The following CCSER1 variants were observed in gnomAD, a reference collection of about 807,000 sequenced individuals.
CCSER1 encodes the protein coiled-coil serine rich protein 1.
CCSER1 carries 41 observed loss-of-function variants against 82.0 expected under a neutral mutation model. The ratio of observed to expected loss-of-function variants is 0.50; its 90% CI spans 0.39 to 0.65. The LOEUF (loss-of-function observed/expected upper bound fraction) is 0.65. CCSER1 is among the 30% of genes least tolerant of loss of function. CCSER1 has a pLI of 0.00. For synonymous variants in CCSER1, 414 were observed against 383.9 expected (o/e 1.08, Z -0.92); for missense variants, 1,119 against 1,064.2 (o/e 1.05, Z -0.72).
chr4:90,141,702 A>G (rs1327631392), intron 1 of CCSER1, among the ~76,000 whole-genome samples: 2 of 152,260 alleles, frequency 1.3e-5, no homozygotes, highest in Non-Finnish European at 2.9e-5. Flanking sequence ...CAGAATGAAA[A>G]TGCACATTTC....
chr4:91,349,141 T>A (rs1748286309), intron 10 of CCSER1, among the ~76,000 whole-genome samples: 2 of 152,134 alleles, frequency 1.3e-5, no homozygotes, highest in African/African-American at 4.8e-5. Context: ...TCTCCTGACC[T>A]CGTGATCTGC....
intron 10 of CCSER1, among the ~76,000 whole-genome samples, chr4:91,260,742 T>TTTTA (rs1303867895): frequency 5.7e-4 from 87 of 151,848 alleles, no homozygotes; most frequent in African/African-American, 1.5e-3. Flanking sequence ...CTAGGAAGTT[T>TTTTA]TTTATTTATT....
chr4:91,253,191 T>A (rs1740395576), intron 10 of CCSER1, among the ~76,000 whole-genome samples: 1 of 152,176 alleles, frequency 6.6e-6, no homozygotes, highest in Non-Finnish European at 1.5e-5. Flanking sequence ...ACAATGAGGA[T>A]AAAGACCTAT....
chr4:90,571,622 C>A (rs1158335600), intron 5 of CCSER1, among the ~76,000 whole-genome samples: 1 of 152,078 alleles, frequency 6.6e-6, no homozygotes, highest in African/African-American at 2.4e-5. Context: ...GGGGCAAGTG[C>A]TGAAAAACTA....
intron 4 of CCSER1, among the ~76,000 whole-genome samples, chr4:90,425,298 A>T (rs967714070): frequency 6.6e-6 from 1 of 152,146 alleles, no homozygotes; most frequent in Non-Finnish European, 1.5e-5. Flanking sequence ...GCAGTTGAAA[A>T]TGCATGAAGG....
chr4:90,532,539 G>C (rs1416487472), intron 5 of CCSER1, among the ~76,000 whole-genome samples: 1 of 151,942 alleles, frequency 6.6e-6, no homozygotes, highest in East Asian at 1.9e-4. Context: ...TTTGGTAAAG[G>C]GACAAATAGT....
chr4:90,307,992 T>C (rs1305923211), intron 1 of CCSER1, among the ~76,000 whole-genome samples: 8 of 152,212 alleles, frequency 5.3e-5, no homozygotes, highest in Non-Finnish European at 1.0e-4. Flanking sequence ...GCCAACACTC[T>C]TGCATAAACT....
At chr4:91,152,651 T>C (rs1277613290) in intron 10 of CCSER1, among the ~76,000 whole-genome samples, 1 of 152,196 alleles carries the variant, frequency 6.6e-6, no homozygotes, top group Non-Finnish European at 1.5e-5. Flanking sequence ...TTGCAGTGGC[T>C]GGTACCAGTT....
intron 10 of CCSER1, among the ~76,000 whole-genome samples, chr4:91,457,632 T>C (rs1314792452): frequency 1.3e-5 from 2 of 152,170 alleles, no homozygotes; most frequent in Non-Finnish European, 2.9e-5. Flanking sequence ...ATTGTGCCAC[T>C]GCACTCAATC....
chr4:91,285,592 G>A (rs1055643013), intron 10 of CCSER1, among the ~76,000 whole-genome samples: 1 of 151,802 alleles, frequency 6.6e-6, no homozygotes, highest in Non-Finnish European at 1.5e-5. Flanking sequence ...ACAAAAAGAT[G>A]TATGATTTCT....
chr4:90,283,563 T>A (rs1301041960), intron 1 of CCSER1, among the ~76,000 whole-genome samples: 1 of 152,054 alleles, frequency 6.6e-6, no homozygotes, highest in African/African-American at 2.4e-5. Context: ...CAATAAAATG[T>A]TTTTAACTGT....
intron 10 of CCSER1, among the ~76,000 whole-genome samples, chr4:91,102,637 A>G (rs934350569): frequency 6.6e-6 from 1 of 152,228 alleles, no homozygotes; most frequent in Non-Finnish European, 1.5e-5. Flanking sequence ...TTGAAAAGGC[A>G]AAAAACAAAT....
At chr4:90,943,560 G>A (rs1320940026) in intron 9 of CCSER1, among the ~76,000 whole-genome samples, 3 of 151,722 alleles carry the variant, frequency 2.0e-5, no homozygotes, top group South Asian at 4.2e-4. Flanking sequence ...GACAGGAGGC[G>A]GAGACAGAAA....
At chr4:91,142,329 C>T (rs1292089867) in intron 10 of CCSER1, among the ~76,000 whole-genome samples, 1 of 152,164 alleles carries the variant, frequency 6.6e-6, no homozygotes, top group Non-Finnish European at 1.5e-5. Flanking sequence ...TGAGGTCTCC[C>T]TAGCCATGTG....
intron 10 of CCSER1, among the ~76,000 whole-genome samples, chr4:91,394,838 T>C (rs909052031): frequency 6.6e-6 from 1 of 151,390 alleles, no homozygotes; most frequent in Non-Finnish European, 1.5e-5. Flanking sequence ...AGAAAAAGAA[T>C]TTGCTATCCC....
intron 10 of CCSER1, among the ~76,000 whole-genome samples, chr4:91,500,043 T>C (rs569715749): frequency 6.6e-6 from 1 of 152,204 alleles, no homozygotes; most frequent in Admixed American, 6.6e-5. Context: ...TTTTAAGAAA[T>C]TGCCAAATTG....
Position 90,307,680 on chromosome 4 carries a change from A to G in CCSER1, c.-41-564A>G, listed in dbSNP as rs150741553. The stretch of plus-strand genomic sequence containing the variant: ...AAAAAAAAGAGAAGAAAAAAAGTCT[A>G]TAGCCATTGGCTTTTCTTTGAGTGC... On this transcript the variant is annotated intron_variant, in intron 1 of 10. Transcript: ENST00000509176. Among the ~76,000 whole-genome samples, 1,184 of 152,134 alleles carry G rather than the reference A, an allele frequency of 7.8e-3. 5 individuals are homozygous for G. The highest frequency in any genetic ancestry group is 0.013 in the Non-Finnish European group (880 of 67,984).
chr4:91,449,663 T>G (rs2149417687), intron 10 of CCSER1, among the ~76,000 whole-genome samples: 2 of 152,174 alleles, frequency 1.3e-5, no homozygotes, highest in South Asian at 4.1e-4. Context: ...CTGTGAAATT[T>G]TAATCACTTT....
At chr4:90,896,120 A>T (rs926387246) in intron 8 of CCSER1, among the ~76,000 whole-genome samples, 3 of 152,070 alleles carry the variant, frequency 2.0e-5, no homozygotes, top group Admixed American at 2.0e-4. Flanking sequence ...TAACCAGAAA[A>T]ATGTGAGAAG....
Sources: allele counts gnomAD v4.1 joint callset (sites outside exome capture counted in the v4.1 genomes callset), GRCh38; gene constraint gnomAD v4.1.1; transcripts MANE v1.5; gene names NCBI Gene and HGNC (gene_info 2026-07-23, HGNC 2026-07-21).